Variants in CNTN5 observed in about 807,000 individuals in gnomAD.
CNTN5 encodes the protein contactin-5.
In CNTN5, 77 loss-of-function variants were observed where a neutral mutation model predicts 129.1. That is an observed-to-expected ratio of 0.60 (90% CI 0.50 to 0.72). CNTN5 has a LOEUF of 0.72. Among genes scored for constraint, CNTN5 ranks in the 30% least tolerant of loss-of-function variants. CNTN5 has a pLI of 0.00. For missense variants in CNTN5, 1,478 were observed against 1,328.8 expected, an observed-to-expected ratio of 1.11 and a Z score of -1.75; for synonymous variants, 509 against 465.6, an observed-to-expected ratio of 1.09 and a Z score of -1.20.
At chr11:99,502,323 T>C (rs1435976939) in intron 2 of CNTN5, among the ~76,000 whole-genome samples, 1 of 152,134 alleles carries the variant, frequency 6.6e-6, no homozygotes, top group Admixed American at 6.5e-5. Context: ...TGGTTAGGCT[T>C]TGTGTCCCCA....
intron 1 of CNTN5, among the ~76,000 whole-genome samples, chr11:99,269,606 T>C (rs571863514): frequency 1.9e-4 from 29 of 152,024 alleles, no homozygotes; most frequent in Non-Finnish European, 3.7e-4. Flanking sequence ...AGGTCTTCCT[T>C]CATGTCCAGA....
intron 1 of CNTN5, among the ~76,000 whole-genome samples, chr11:99,286,970 A>G (rs1250591865): frequency 1.3e-5 from 2 of 152,186 alleles, no homozygotes; most frequent in African/African-American, 4.8e-5. Flanking sequence ...TGAATTTGGA[A>G]TATGTCAAAC....
chr11:99,534,247 C>T (rs1034796992), intron 2 of CNTN5, among the ~76,000 whole-genome samples: 14 of 152,044 alleles, frequency 9.2e-5, no homozygotes, highest in African/African-American at 1.7e-4. Flanking sequence ...ACCAAAAGCA[C>T]GATAGTGTAA....
intron 13 of CNTN5, among the ~76,000 whole-genome samples, chr11:100,109,111 G>A (rs1459706856): frequency 6.6e-6 from 1 of 152,036 alleles, no homozygotes; most frequent in East Asian, 1.9e-4. Flanking sequence ...CACAAATAAC[G>A]CTAGAATGAT....
At chr11:99,842,863 T>C (rs1947557771) in intron 4 of CNTN5, among the ~76,000 whole-genome samples, 1 of 152,180 alleles carries the variant, frequency 6.6e-6, no homozygotes, top group African/African-American at 2.4e-5. Context: ...AAGTTTTAAT[T>C]GACAGCAATA....
chr11:100,128,721 T>C lies in CNTN5; in HGVS notation c.1580+54427T>C, dbSNP rs551193288. Among the ~76,000 whole-genome samples, 38 of 152,150 alleles carry C rather than the reference T, an allele frequency of 2.5e-4. No individual in the cohort carries two copies. The South Asian group carries it at 7.1e-3, about 28-fold the overall frequency. ...GAGGCTTGAATGGGCGAGGAAGCTA[T>C]AATGACTCCATGTTCCTTCTTGCCT... On this transcript the variant is annotated intron_variant, in intron 13 of 24. Coordinates refer to ENST00000524871, the MANE Select transcript of CNTN5 (RefSeq NM_014361.4).
chr11:99,510,220 C>T (rs1946783675), intron 2 of CNTN5, among the ~76,000 whole-genome samples: 1 of 151,916 alleles, frequency 6.6e-6, no homozygotes, highest in Non-Finnish European at 1.5e-5. Flanking sequence ...AAATCAGAGC[C>T]AACCATTCTT....
At chr11:100,229,183 T>C (rs12279329) in intron 16 of CNTN5, among the ~76,000 whole-genome samples, 2,847 of 146,314 alleles carry the variant, frequency 0.019, 70 homozygotes, top group Middle Eastern at 0.055. Flanking sequence ...ACATCAGCAG[T>C]TTATTAGCTT....
intron 2 of CNTN5, among the ~76,000 whole-genome samples, chr11:99,515,649 ATTAG>A (rs1010991399): frequency 1.3e-5 from 2 of 152,112 alleles, no homozygotes; most frequent in African/African-American, 2.4e-5. Context: ...CCCTCAATTT[ATTAG>A]TTAATTACTA....
intron 1 of CNTN5, among the ~76,000 whole-genome samples, chr11:99,166,159 T>A (rs1860855187): frequency 6.6e-6 from 1 of 152,118 alleles, no homozygotes; most frequent in Non-Finnish European, 1.5e-5. Context: ...ATCCCAGCAC[T>A]TTGGGAGGCC....
intron 7 of CNTN5, among the ~76,000 whole-genome samples, chr11:99,952,542 A>T (rs10894186): frequency 1.3e-5 from 2 of 151,854 alleles, no homozygotes; most frequent in Admixed American, 6.6e-5. Context: ...TTTATTTTTT[A>T]TTTTTTTGAT....
At chr11:100,210,172 TACA>T (rs1565344550) in intron 15 of CNTN5, among the ~76,000 whole-genome samples, 7 of 59,410 alleles carry the variant, frequency 1.2e-4, no homozygotes, top group East Asian at 4.2e-4. Context: ...CCTGCCTCTA[TACA>T]AAAAAAAAAA....
chr11:100,069,040 T>C (rs1196554976), intron 10 of CNTN5, among the ~76,000 whole-genome samples: 2 of 152,232 alleles, frequency 1.3e-5, no homozygotes. Flanking sequence ...TAGCATTTAA[T>C]AAATGTGAGT....
chr11:99,445,929 CA>C (rs766035572), intron 2 of CNTN5, among the ~76,000 whole-genome samples: 8 of 151,774 alleles, frequency 5.3e-5, no homozygotes, highest in Non-Finnish European at 1.2e-4. Flanking sequence ...ACTAAAAATA[CA>C]AAAATTAGCC....
At chr11:99,236,469 A>AACACAC (rs33985126) in intron 1 of CNTN5, among the ~76,000 whole-genome samples, 2 of 150,100 alleles carry the variant, frequency 1.3e-5, no homozygotes, top group African/African-American at 4.9e-5. Context: ...CTCACACACA[A>AACACAC]ACACACACAC....
At chr11:99,684,925 A>G (rs919605054) in intron 3 of CNTN5, among the ~76,000 whole-genome samples, 34 of 151,440 alleles carry the variant, frequency 2.2e-4, no homozygotes, top group Non-Finnish European at 1.3e-4. Context: ...TCTCTTTTCT[A>G]TGTAATTGAT....
At chr11:99,850,369 C>T (rs937169970) in intron 6 of CNTN5, among the ~76,000 whole-genome samples, 2 of 152,050 alleles carry the variant, frequency 1.3e-5, no homozygotes, top group Non-Finnish European at 2.9e-5. Flanking sequence ...TCCTAGCTTT[C>T]GCAGAAAATG....
rs964820404 is a variant in CNTN5 at position 100,271,090 on chromosome 11, A to C, written c.2165-2A>C. The C allele has an allele frequency of 1.9e-6, 3 of 1,592,936 alleles. No homozygotes were observed. Among genetic ancestry groups the C allele is most frequent in the Non-Finnish European group, 2.6e-6 (3 of 1,173,186 alleles). On this transcript the variant is annotated splice_acceptor_variant, in intron 17 of 24. Transcript: ENST00000524871. LOFTEE classifies it high-confidence loss of function. ...GACATGAAATTTCCTTCCTTTCTAT[A>C]GTCCCAGAAATCATAACAGGGGACA... is the stretch of plus-strand genomic sequence containing the variant.
intron 3 of CNTN5, among the ~76,000 whole-genome samples, chr11:99,646,928 G>C (rs1230797830): frequency 6.6e-6 from 1 of 151,630 alleles, no homozygotes; most frequent in Non-Finnish European, 1.5e-5. Context: ...TACATATTCT[G>C]GGTATTAATT....
Sources: gnomAD v4.1 joint callset for allele counts (sites outside exome capture counted in the v4.1 genomes callset) on GRCh38, gnomAD v4.1.1 for gene constraint, MANE v1.5 for transcripts, NCBI Gene and HGNC (gene_info 2026-07-23, HGNC 2026-07-21) for gene names.